KIAA1549: variants seen among roughly 807,000 people sequenced by gnomAD.
KIAA1549 encodes the protein KIAA1549.
Under a neutral mutation model 156.4 loss-of-function variants are expected in KIAA1549, and 70 were observed. The ratio of observed to expected loss-of-function variants is 0.45; its 90% confidence interval spans 0.37 to 0.55. The LOEUF is 0.55. KIAA1549 is among the 20% of genes least tolerant of loss of function. The pLI is 0.00. For synonymous variants in KIAA1549, 1,103 were observed against 1,066.4 expected, an observed-to-expected ratio of 1.03 and a Z score of -0.67; for missense variants, 2,428 against 2,540.9, an observed-to-expected ratio of 0.96 and a Z score of 0.96.
rs1251404426 is a variant in KIAA1549 at position 138,881,665 on chromosome 7, CTG to C, written c.4033-83_4033-82del. The C allele has an allele frequency of 4.0e-6, 5 of 1,244,512 alleles. No homozygotes were observed. In the Admixed American group the frequency reaches 1.2e-4, roughly 30 times the overall value. 77.1% of individuals were successfully genotyped at this position (1,244,512 alleles called of 1,614,324 possible). ...GAGGAGCACAACTTCTGACCCAAGACTGTGCTGGCAATTCCACAACTCCAATC... is the reference window on the plus strand; with the variant it reads ...GAGGAGCACAACTTCTGACCCAAGACTGCTGGCAATTCCACAACTCCAATC... On this transcript the variant is annotated intron_variant, in intron 10 of 19. Transcript: ENST00000422774.
intron 18 of KIAA1549, 35 bp downstream of exon 18, chr7:138,844,282 T>C (rs374238439): frequency 5.6e-5 from 90 of 1,612,998 alleles, no homozygotes; most frequent in African/African-American, 1.3e-4. Flanking sequence ...AAATGTCCCG[T>C]AGCTCAGAAA....
chr7:138,895,302 G>A (rs889610929), intron 9 of KIAA1549, among the ~76,000 whole-genome samples: 2 of 152,174 alleles, frequency 1.3e-5, no homozygotes, highest in African/African-American at 4.8e-5. Context: ...TTCCCCTTCA[G>A]CAATGAAAAA....
Position 138,918,054 on chromosome 7 carries a change from G to A in KIAA1549, c.1572C>T (p.Ala524=). 1.9e-6 allele frequency: 3 copies of A among 1,612,888 alleles called. No homozygotes were observed. Among genetic ancestry groups the A allele is most frequent in the Non-Finnish European group, 2.5e-6 (3 of 1,179,428 alleles). ...ACGCCGGCACAGAGAGGCGGCCGTG[G>A]GCAGGGGGAACCTGTGTGGTTGTAA... The part of the protein sequence containing the change: ...SSVTTTQVPP[A]HGRLSVPASL... Residue 524 remains alanine, a synonymous_variant, in exon 2 of 20, where the codon GCC becomes GCT. Coordinates refer to ENST00000422774, the MANE Select transcript of KIAA1549 (RefSeq NM_001164665.2). This position sits in a 1 kb window ranked among gnomAD's most constrained non-coding sequence, Gnocchi z 4.2.
chr7:138,921,160 G>T (rs2130487677), intron 1 of KIAA1549, among the ~76,000 whole-genome samples: 1 of 152,322 alleles, frequency 6.6e-6, no homozygotes, highest in South Asian at 2.1e-4. Context: ...CCCAGGAAGT[G>T]TCATAATCTC....
At chr7:138,962,093 G>A (rs950643903) in intron 1 of KIAA1549, among the ~76,000 whole-genome samples, 2 of 152,072 alleles carry the variant, frequency 1.3e-5, no homozygotes, top group Non-Finnish European at 2.9e-5. Flanking sequence ...GTGACCTGAG[G>A]TGAGTTACTT....
intron 1 of KIAA1549, among the ~76,000 whole-genome samples, chr7:138,936,679 T>C (rs996370896): frequency 3.9e-5 from 6 of 152,018 alleles, no homozygotes; most frequent in African/African-American, 1.5e-4. Flanking sequence ...GCATGACAAG[T>C]TCCCACCTTG....
At position 138,917,349 on chromosome 7, in the gene KIAA1549, G is replaced by A; in HGVS notation, c.2277C>T (p.Leu759=). Residue 759 remains leucine (L), a synonymous_variant, in exon 2 of 20, where the codon CTC becomes CTT. Coordinates refer to ENST00000422774, the MANE Select transcript of KIAA1549 (RefSeq NM_001164665.2). ...CAGTGACTGCGGATTCATGGGAAATGAGTGAAGACTCAAGATAGGAGGTAG... is the reference window on the plus strand; with the variant it reads ...CAGTGACTGCGGATTCATGGGAAATAAGTGAAGACTCAAGATAGGAGGTAG... ...IETTSYLESS[L]ISHESAVTAL... 2 of 1,613,968 alleles carry A rather than the reference G, an allele frequency of 1.2e-6. No homozygotes were observed. The highest frequency in any genetic ancestry group is 1.7e-6 in the Non-Finnish European group (2 of 1,179,864).
rs533057424 is a variant in KIAA1549, at chr7:138,894,386, C to T, written c.3988G>A (p.Asp1330Asn). ...TTGGCCACAGTGTCAGGCTGAAAGTCTAGCTTGTCTGTGCGGCATAGTTTC... is the reference window on the plus strand; with the variant it reads ...TTGGCCACAGTGTCAGGCTGAAAGTTTAGCTTGTCTGTGCGGCATAGTTTC... ...YWKLCRTDKLDFQPDTVANIQ... is the reference protein window; with the variant it reads ...YWKLCRTDKLNFQPDTVANIQ... The change falls in exon 10 of 20, where the codon GAC (aspartate) becomes AAC (asparagine). Residue 1330 changes from aspartate to asparagine, a missense_variant. Transcript: ENST00000422774. 1 of 1,614,036 alleles carries T rather than the reference C, an allele frequency of 6.2e-7. No homozygotes were observed. The highest frequency in any genetic ancestry group is 2.2e-5 in the East Asian group (1 of 44,892).
intron 9 of KIAA1549, 63 bp downstream of exon 9, chr7:138,898,892 G>C: frequency 6.8e-7 from 1 of 1,464,296 alleles, no homozygotes; most frequent in Non-Finnish European, 9.6e-7. Flanking sequence ...CTCACTGTCA[G>C]AACGAGCCTG....
chr7:138,895,254 T>C (rs1347113472), intron 9 of KIAA1549, among the ~76,000 whole-genome samples: 1 of 152,026 alleles, frequency 6.6e-6, no homozygotes, highest in Non-Finnish European at 1.5e-5. Context: ...CAAAACAGAG[T>C]AAGGAGATAC....
rs10227679 is a variant in KIAA1549, at chr7:138,881,595, C to T, written c.4033-11G>A. On this transcript the variant is annotated splice_polypyrimidine_tract_variant and intron_variant, in intron 10 of 19. Transcript: ENST00000422774. ...ACTAGGGATCTGCAGCTGAAACATA[C>T]ACACACACAAACAAGATTGTTAACC... 2 of 1,601,962 alleles carry T rather than the reference C, an allele frequency of 1.2e-6. No homozygotes were observed. The highest frequency in any genetic ancestry group is 1.7e-6 in the Non-Finnish European group (2 of 1,171,816).
At chr7:138,977,655 A>AACACACACACACACACACACACACAC (rs10625706) in intron 1 of KIAA1549, among the ~76,000 whole-genome samples, 39 of 146,916 alleles carry the variant, frequency 2.7e-4, no homozygotes, top group African/African-American at 9.8e-4. Flanking sequence ...TACTCAAGAA[A>AACACACACACACACACACACACACAC]ACACACACAC....
intron 19 of KIAA1549, 87 bp from the exon 20 acceptor site, chr7:138,838,247 G>T: frequency 7.4e-7 from 1 of 1,355,984 alleles, no homozygotes; most frequent in Non-Finnish European, 9.7e-7. Context: ...AGGTTCCCAG[G>T]ACTGCCCACG....
chr7:138,855,020 G>C (rs1405352945), intron 16 of KIAA1549, among the ~76,000 whole-genome samples: 2 of 152,180 alleles, frequency 1.3e-5, no homozygotes. Flanking sequence ...GCACGATGTG[G>C]CTCCTAAGCC....
chr7:138,904,359 C>T (rs552329661), intron 7 of KIAA1549, among the ~76,000 whole-genome samples: 3 of 152,168 alleles, frequency 2.0e-5, no homozygotes, highest in African/African-American at 7.2e-5. Flanking sequence ...TGGAAAAGAC[C>T]GCGGATGGCA....
rs1563070512 is a variant in KIAA1549, at chr7:138,903,791, CAG to C, written c.3521-57_3521-56del. 2.8e-5 allele frequency: 38 copies of C among 1,352,700 alleles called. No individual in the cohort carries two copies. In the African/African-American group the frequency reaches 3.4e-4, roughly 12 times the overall value. 83.8% of individuals were successfully genotyped at this position (1,352,700 alleles called of 1,614,324 possible). ...CCAAAACAAGTCAGCAGTAAAAAAA[CAG>C]TGTGTGTGTGTGTGTGTGTGTGTGT... On this transcript the variant is annotated intron_variant, in intron 7 of 19. Transcript: ENST00000422774.
intron 13 of KIAA1549, 88 bp downstream of exon 13, chr7:138,871,068 TG>T: frequency 1.6e-6 from 2 of 1,257,746 alleles, no homozygotes; most frequent in South Asian, 1.3e-5. Context: ...CTGCCTGCCT[TG>T]GCCCCCCCAA....
intron 1 of KIAA1549, among the ~76,000 whole-genome samples, chr7:138,979,918 T>C (rs1400458029): frequency 1.3e-5 from 2 of 152,200 alleles, no homozygotes; most frequent in Admixed American, 6.5e-5. Flanking sequence ...TCTGCCTTAG[T>C]TTCCTCTTTG....
At chr7:138,884,966 C>T (rs34348615) in intron 10 of KIAA1549, among the ~76,000 whole-genome samples, 43,601 of 152,172 alleles carry the variant, frequency 0.29, 6,584 homozygotes, top group Middle Eastern at 0.42. Context: ...GAGGCTGAGC[C>T]GGGTGGATCA....
Sources: gnomAD v4.1 joint callset for allele counts (sites outside exome capture counted in the v4.1 genomes callset) on GRCh38, gnomAD v4.1.1 for gene constraint, Gnocchi (gnomAD v3.1) non-coding constraint, MANE v1.5 for transcripts, NCBI Gene and HGNC (gene_info 2026-07-23, HGNC 2026-07-21) for gene names.